The following PGM2 variants were observed in gnomAD, a reference collection of about 807,000 sequenced individuals.
PGM2 encodes phosphoglucomutase 2.
Under a neutral mutation model 74.6 loss-of-function variants are expected in PGM2, and 57 were observed. That is an observed-to-expected ratio of 0.76 (90% CI 0.62 to 0.95). The LOEUF (loss-of-function observed/expected upper bound fraction) is 0.95. PGM2 is among the 40% of genes least tolerant of loss of function. The pLI is 0.00. For synonymous variants in PGM2, 273 were observed against 260.7 expected, an observed-to-expected ratio of 1.05 and a Z score of -0.46; for missense variants, 706 against 741.9, an observed-to-expected ratio of 0.95 and a Z score of 0.56.
chr4:37,836,245 CAAGT>C (rs1725564270), intron 3 of PGM2, among the ~76,000 whole-genome samples: 1 of 152,168 alleles, frequency 6.6e-6, no homozygotes, highest in South Asian at 2.1e-4. Flanking sequence ...GCTTATGGTT[CAAGT>C]CTCAGAGTTT....
At position 37,861,855 on chromosome 4, in the gene PGM2, G is replaced by A. The variant is rs752557414; in HGVS notation, c.*243G>A. Reference sequence around the variant, plus strand: ...GGACATATTTTGAATTTTTGTAAGTGAAGATTTTTAAACTGACTAACTTAA... The same window carrying A: ...GGACATATTTTGAATTTTTGTAAGTAAAGATTTTTAAACTGACTAACTTAA... On this transcript the variant is annotated 3_prime_UTR_variant, in exon 14 of 14. Transcript: ENST00000381967. The A allele has an allele frequency of 2.4e-5, 9 of 367,562 alleles. No individual in the cohort carries two copies. In the East Asian group the frequency reaches 3.0e-4, roughly 12 times the overall value. 22.8% of individuals were successfully genotyped at this position (367,562 alleles called of 1,614,324 possible).
intron 12 of PGM2, among the ~76,000 whole-genome samples, chr4:37,852,512 T>A (rs1726076859): frequency 6.6e-6 from 1 of 152,332 alleles, no homozygotes; most frequent in East Asian, 1.9e-4. Flanking sequence ...CATCCTCTAA[T>A]AGCTTTCTGA....
At chr4:37,857,473 C>T (rs1317897527) in intron 13 of PGM2, among the ~76,000 whole-genome samples, 1 of 152,098 alleles carries the variant, frequency 6.6e-6, no homozygotes, top group Non-Finnish European at 1.5e-5. Flanking sequence ...GAAGTGACTG[C>T]TGATAGCAAG....
chr4:37,861,610 T>A lies in PGM2; in HGVS notation c.1837T>A (p.Ter613LysextTer14), dbSNP rs147934771. Residue 613 changes from the stop codon to lysine (K), a stop_lost, in exon 14 of 14, where the codon TAA (stop) becomes AAA (lysine). Transcript: ENST00000381967. ...GTACAATCTGCAGCCAAAAGCAGAC[T>A]AAAATAGTCCAGCCTTGGGTATACT... is the stretch of plus-strand genomic sequence containing the variant. ...QKYNLQPKAD[*>K] 560 of 1,599,612 alleles carry A rather than the reference T, an allele frequency of 3.5e-4. No homozygotes were observed. The highest frequency in any genetic ancestry group is 4.6e-4 in the Non-Finnish European group (531 of 1,167,008).
At chr4:37,851,836 T>C (rs1375980892) in intron 12 of PGM2, among the ~76,000 whole-genome samples, 1 of 152,232 alleles carries the variant, frequency 6.6e-6, no homozygotes, top group Non-Finnish European at 1.5e-5. Flanking sequence ...CAGCTTTTGG[T>C]TAAATCAGAT....
chr4:37,830,059 A>G lies in PGM2; in HGVS notation c.177A>G (p.Thr59=). The G allele has an allele frequency of 6.2e-7, 1 of 1,608,612 alleles. No homozygotes were observed. Among genetic ancestry groups the G allele is most frequent in the African/African-American group, 1.3e-5 (1 of 74,942 alleles). Residue 59 remains threonine (T), a synonymous_variant, in exon 2 of 14, where the codon ACA becomes ACG. Coordinates refer to ENST00000381967, the MANE Select transcript of PGM2 (RefSeq NM_018290.4). ...TTGGGGCCCGAATGGAGTTTGGGACAGCTGGCCTCCGAGCTGCTATGGGAC... is the reference window on the plus strand; with the variant it reads ...TTGGGGCCCGAATGGAGTTTGGGACGGCTGGCCTCCGAGCTGCTATGGGAC... ...KCFGARMEFG[T]AGLRAAMGPG...
chr4:37,842,668 C>CT lies in PGM2; in HGVS notation c.720-1686dup, dbSNP rs11336807. Among the ~76,000 whole-genome samples the CT allele has an allele frequency of 3.6e-4, 54 of 148,620 alleles. No homozygotes were observed. In the South Asian group the frequency reaches 6.6e-3, roughly 18 times the overall value. ...AGGCCCTTCACATGTCATTTTTTTT[C>CT]TTTTTTTTTTGAGACAGGTTCTCAC... On this transcript the variant is annotated intron_variant, in intron 6 of 13. Transcript: ENST00000381967.
intron 12 of PGM2, among the ~76,000 whole-genome samples, chr4:37,851,617 G>A (rs1282444607): frequency 2.6e-5 from 4 of 152,032 alleles, no homozygotes; most frequent in South Asian, 4.1e-4. Context: ...GTATGAAAAC[G>A]CTTACGATGA....
chr4:37,852,566 G>A (rs892789551), intron 12 of PGM2, among the ~76,000 whole-genome samples: 10 of 152,238 alleles, frequency 6.6e-5, no homozygotes, highest in African/African-American at 9.6e-5. Context: ...ATTTAAGTCC[G>A]AAAATGTCTT....
chr4:37,841,215 A>G (rs1296972552), intron 6 of PGM2, among the ~76,000 whole-genome samples: 2 of 112,880 alleles, frequency 1.8e-5, no homozygotes, highest in East Asian at 2.4e-4. Flanking sequence ...TTTCCCCCCA[A>G]TTAATTTGTC....
At chr4:37,837,738 T>G in intron 4 of PGM2, 125 bp downstream of exon 4, 1 of 709,746 alleles carries the variant, frequency 1.4e-6, no homozygotes, top group Non-Finnish European at 2.6e-6. Context: ...CCTTGGCATG[T>G]ATGAGACATT....
chr4:37,840,319 T>A, intron 6 of PGM2, 60 bp downstream of exon 6: 1 of 984,960 alleles, frequency 1.0e-6, no homozygotes, highest in Non-Finnish European at 1.6e-6. Context: ...CCAAATTCTA[T>A]TAGTGTTTGT....
At chr4:37,857,096 A>G (rs1210066755) in intron 13 of PGM2, among the ~76,000 whole-genome samples, 1 of 152,174 alleles carries the variant, frequency 6.6e-6, no homozygotes, top group Non-Finnish European at 1.5e-5. Flanking sequence ...TAATACCCAG[A>G]TTATTCCAAA....
At position 37,840,176 on chromosome 4, in the gene PGM2, T is replaced by C; in HGVS notation, c.636T>C (p.Ile212=). Residue 212 remains isoleucine (I), a synonymous_variant, in exon 6 of 14, where the codon ATT becomes ATC. Coordinates refer to ENST00000381967, the MANE Select transcript of PGM2 (RefSeq NM_018290.4). ...PWPQAWDDSL[I]DSSPLLHNPS... is the part of the protein sequence containing the mutation. ...CTCAAGCTTGGGACGATTCTTTAAT[T>C]GATAGCAGTCCACTTCTCCACAATC... is the stretch of plus-strand genomic sequence containing the variant. 2 of 1,612,720 alleles carry C rather than the reference T, an allele frequency of 1.2e-6. No individual in the cohort carries two copies. The highest frequency in any genetic ancestry group is 1.7e-6 in the Non-Finnish European group (2 of 1,178,662).
chr4:37,837,629 C>A lies in PGM2; in HGVS notation c.441+16C>A. 1 of 1,520,348 alleles carries A rather than the reference C, an allele frequency of 6.6e-7. No homozygotes were observed. The highest frequency in any genetic ancestry group is 1.1e-5 in the South Asian group (1 of 89,222). The allele number at this position is 1,520,348 out of a possible 1,614,324, so 94.2% of individuals were successfully genotyped here. A position where few individuals can be genotyped will look rare whatever the true frequency, so the allele number is the denominator to read the frequency against. ...CCCCTTTGTGGTAAGTAGCCATTTC[C>A]TTTCATAATTTCCTGTCACATGATC... On this transcript the variant is annotated intron_variant, in intron 4 of 13. Transcript: ENST00000381967.
chr4:37,833,280 A>G (rs1725481976), intron 2 of PGM2, among the ~76,000 whole-genome samples: 1 of 152,194 alleles, frequency 6.6e-6, no homozygotes, highest in South Asian at 2.1e-4. Context: ...TATGGCTTGG[A>G]CATGGTGGCT....
At chr4:37,846,730 T>C (rs1175306990) in intron 8 of PGM2, among the ~76,000 whole-genome samples, 2 of 152,250 alleles carry the variant, frequency 1.3e-5, no homozygotes, top group Admixed American at 1.3e-4. Context: ...AACTGGCTGA[T>C]ATATATGGTA....
chr4:37,833,071 G>A (rs1725476726), intron 2 of PGM2, among the ~76,000 whole-genome samples: 1 of 152,118 alleles, frequency 6.6e-6, no homozygotes, highest in Non-Finnish European at 1.5e-5. Context: ...ACTGTTGTAA[G>A]TCTTGAAGTA....
intron 4 of PGM2, chr4:37,839,636 T>G (rs1323254866): frequency 1.5e-6 from 1 of 671,094 alleles, no homozygotes; most frequent in Non-Finnish European, 2.7e-6. Context: ...TCACCTTTCT[T>G]ATTAGGAAAT....
Sources: allele counts gnomAD v4.1 joint callset (sites outside exome capture counted in the v4.1 genomes callset), GRCh38; gene constraint gnomAD v4.1.1; transcripts MANE v1.5; gene names NCBI Gene and HGNC (gene_info 2026-07-23, HGNC 2026-07-21).